Variants in SLC24A4 observed in about 807,000 individuals in gnomAD.
SLC24A4 encodes the protein solute carrier family 24 member 4.
Under a neutral mutation model 79.0 loss-of-function variants are expected in SLC24A4, and 53 were observed. The observed-to-expected ratio is 0.67, with a 90% CI of 0.54 to 0.84. The LOEUF (loss-of-function observed/expected upper bound fraction) is 0.84. SLC24A4 is among the 40% of genes least tolerant of loss of function. The pLI, the probability that SLC24A4 is intolerant of heterozygous loss-of-function variation, is 0.00. For synonymous variants in SLC24A4, 323 were observed against 323.8 expected (o/e 1.00, Z 0.03); for missense variants, 731 against 822.0 (o/e 0.89, Z 1.35).
At chr14:92,475,745 G>T (rs1337874387) in intron 12 of SLC24A4, among the ~76,000 whole-genome samples, 2 of 152,124 alleles carry the variant, frequency 1.3e-5, no homozygotes, top group Non-Finnish European at 2.9e-5. Context: ...TGACCTACAG[G>T]AATATTTTAT....
intron 14 of SLC24A4, among the ~76,000 whole-genome samples, chr14:92,488,967 T>A (rs1446251537): frequency 6.6e-6 from 1 of 151,886 alleles, no homozygotes; most frequent in Non-Finnish European, 1.5e-5. Context: ...CAACAAAGGG[T>A]CTCTGTTAGG....
intron 12 of SLC24A4, among the ~76,000 whole-genome samples, chr14:92,464,642 T>C (rs1894000261): frequency 6.6e-6 from 1 of 152,116 alleles, no homozygotes; most frequent in Non-Finnish European, 1.5e-5. Context: ...ACCGCAATTC[T>C]GCTTTTCAAA....
chr14:92,405,449 T>C (rs879067318), intron 2 of SLC24A4, among the ~76,000 whole-genome samples: 1 of 152,200 alleles, frequency 6.6e-6, no homozygotes, highest in Admixed American at 6.5e-5. Context: ...TAGCAAAGGT[T>C]GATTATAGCA....
rs553945043 is a variant in SLC24A4 at position 92,334,925 on chromosome 14, G to A, written c.241+8947G>A. ...CATCATCATCGTCATCATCATCATC[G>A]TCATCGAGGTGAAGTCCAGGGTACC... On this transcript the variant is annotated intron_variant, in intron 2 of 16. Coordinates refer to ENST00000532405, the MANE Select transcript of SLC24A4 (RefSeq NM_153646.4). Among the ~76,000 whole-genome samples, 9 of 150,860 alleles carry A rather than the reference G, an allele frequency of 6.0e-5. No homozygotes were observed. In the South Asian group the frequency reaches 1.5e-3, roughly 24 times the overall value.
intron 2 of SLC24A4, among the ~76,000 whole-genome samples, chr14:92,351,734 C>G (rs1404982492): frequency 6.6e-6 from 1 of 151,986 alleles, no homozygotes; most frequent in Non-Finnish European, 1.5e-5. Flanking sequence ...TGTGATGGCG[C>G]CCACCTGTAA....
chr14:92,461,017 C>T (rs533183267), intron 12 of SLC24A4, among the ~76,000 whole-genome samples: 1 of 152,170 alleles, frequency 6.6e-6, no homozygotes, highest in African/African-American at 2.4e-5. Flanking sequence ...GAGGAAGAGG[C>T]GCTTTCGCCC....
chr14:92,365,790 C>T (rs562773391), intron 2 of SLC24A4, among the ~76,000 whole-genome samples: 12 of 152,320 alleles, frequency 7.9e-5, no homozygotes, highest in African/African-American at 2.9e-4. Flanking sequence ...TGAATTCTTA[C>T]AAGACTTGAG....
chr14:92,368,873 G>A (rs1305518665), intron 2 of SLC24A4, among the ~76,000 whole-genome samples: 2 of 152,194 alleles, frequency 1.3e-5, no homozygotes, highest in African/African-American at 4.8e-5. Flanking sequence ...GTCTGTGGAA[G>A]AGGGGATTAA....
intron 2 of SLC24A4, among the ~76,000 whole-genome samples, chr14:92,397,656 AGTGT>A (rs1889853750): frequency 6.6e-6 from 1 of 152,174 alleles, no homozygotes; most frequent in Admixed American, 6.5e-5. Flanking sequence ...TGATGTGGCC[AGTGT>A]GAGAGCAGCT....
rs550689001 is a variant in SLC24A4, at chr14:92,476,544, C to T, written c.1256-6136C>T. 4.6e-4 allele frequency among the ~76,000 whole-genome samples: 70 copies of T among 152,150 alleles called. 2 individuals carry two copies. Among genetic ancestry groups the T allele is most frequent in the South Asian group, 4.4e-3 (21 of 4,818 alleles). On this transcript the variant is annotated intron_variant, in intron 12 of 16. Coordinates refer to ENST00000532405, the MANE Select transcript of SLC24A4 (RefSeq NM_153646.4). Reference sequence around the variant, plus strand: ...ACACAGCTAGTGCCAGTCTACTTTGCAATTTTTAAAATTGAGATGTAATTT... The same window carrying T: ...ACACAGCTAGTGCCAGTCTACTTTGTAATTTTTAAAATTGAGATGTAATTT...
At chr14:92,345,803 C>G (rs1158822341) in intron 2 of SLC24A4, among the ~76,000 whole-genome samples, 1 of 152,210 alleles carries the variant, frequency 6.6e-6, no homozygotes, top group Admixed American at 6.5e-5. Flanking sequence ...GCACCCACCC[C>G]CTGTATGCCA....
At chr14:92,364,353 G>T (rs1486469552) in intron 2 of SLC24A4, among the ~76,000 whole-genome samples, 1 of 152,172 alleles carries the variant, frequency 6.6e-6, no homozygotes, top group Non-Finnish European at 1.5e-5. Context: ...GCAGAGCAGG[G>T]TGGGAAAGAC....
chr14:92,458,427 G>A (rs943601734), intron 12 of SLC24A4, among the ~76,000 whole-genome samples: 14 of 152,210 alleles, frequency 9.2e-5, no homozygotes, highest in African/African-American at 2.9e-4. Context: ...TGCTCTGTGG[G>A]GAACAGGGGC....
At chr14:92,350,693 T>A (rs1022307270) in intron 2 of SLC24A4, among the ~76,000 whole-genome samples, 1 of 152,182 alleles carries the variant, frequency 6.6e-6, no homozygotes, top group Non-Finnish European at 1.5e-5. Context: ...ACTCAATTCA[T>A]TATGGAGATT....
intron 2 of SLC24A4, among the ~76,000 whole-genome samples, chr14:92,409,450 G>T (rs141153736): frequency 6.6e-6 from 1 of 152,362 alleles, no homozygotes; most frequent in Non-Finnish European, 1.5e-5. Context: ...CTGTGCAGCT[G>T]CTGATGATGT....
intron 2 of SLC24A4, among the ~76,000 whole-genome samples, chr14:92,357,398 A>AT: frequency 6.6e-6 from 1 of 152,362 alleles, no homozygotes; most frequent in East Asian, 1.9e-4. Context: ...ACACCCAGGC[A>AT]CATGGCAGCA....
At chr14:92,437,669 A>G (rs1229916238) in intron 3 of SLC24A4, among the ~76,000 whole-genome samples, 1 of 152,218 alleles carries the variant, frequency 6.6e-6, no homozygotes, top group Non-Finnish European at 1.5e-5. Context: ...TGGTGCCAGC[A>G]TTATTAAGTA....
At chr14:92,348,031 A>T (rs1204406185) in intron 2 of SLC24A4, among the ~76,000 whole-genome samples, 3 of 152,184 alleles carry the variant, frequency 2.0e-5, no homozygotes, top group African/African-American at 4.8e-5. Context: ...TCATATTCAA[A>T]AGAACAGTTG....
rs142173911 is a variant in SLC24A4 at position 92,459,509 on chromosome 14, G to A, written c.1255+2901G>A. On this transcript the variant is annotated intron_variant, in intron 12 of 16. Transcript: ENST00000532405. ...TTCCTCAAGCCAGAGGCTCTAGGCT[G>A]TTCCCCTGGGCTCAGTGCATGCCTG... Among the ~76,000 whole-genome samples the A allele has an allele frequency of 3.3e-5, 5 of 152,272 alleles. No homozygotes were observed. In the South Asian group the frequency reaches 8.3e-4, roughly 25 times the overall value.
Sources: allele counts gnomAD v4.1 joint callset (sites outside exome capture counted in the v4.1 genomes callset), GRCh38; gene constraint gnomAD v4.1.1; transcripts MANE v1.5; gene names NCBI Gene and HGNC (gene_info 2026-07-23, HGNC 2026-07-21).